The following HIPK2 variants were observed in gnomAD, a reference collection of about 807,000 sequenced individuals.
HIPK2 encodes the protein homeodomain interacting protein kinase 2.
HIPK2 carries 27 observed loss-of-function variants against 113.7 expected under a neutral mutation model. That is an observed-to-expected ratio of 0.24 (90% CI 0.17 to 0.33). The LOEUF (loss-of-function observed/expected upper bound fraction) is 0.33, where lower values mean the gene tolerates loss of function less well. Among genes scored for constraint, HIPK2 ranks in the 10% least tolerant of loss-of-function variants. HIPK2 has a pLI of 1.00. For missense variants in HIPK2, 1,257 were observed against 1,588.0 expected (o/e 0.79, Z 3.54); for synonymous variants, 631 against 642.2 (o/e 0.98, Z 0.26).
intron 2 of HIPK2, among the ~76,000 whole-genome samples, chr7:139,705,728 A>G: frequency 6.6e-6 from 1 of 152,098 alleles, no homozygotes; most frequent in South Asian, 2.1e-4. Flanking sequence ...GCCTGGAGTC[A>G]CACAGCTGTA....
At chr7:139,748,508 G>C (rs1796228092) in intron 1 of HIPK2, among the ~76,000 whole-genome samples, 1 of 151,948 alleles carries the variant, frequency 6.6e-6, no homozygotes. Context: ...CTCTCTCCTA[G>C]TTTCCGGTGG....
chr7:139,761,903 C>G (rs1796470485), intron 1 of HIPK2, among the ~76,000 whole-genome samples: 1 of 151,788 alleles, frequency 6.6e-6, no homozygotes, highest in Non-Finnish European at 1.5e-5. Flanking sequence ...ACAAAAAGAC[C>G]TAAGAGATGT....
chr7:139,719,734 T>C (rs1208857900), intron 1 of HIPK2, among the ~76,000 whole-genome samples: 4 of 152,216 alleles, frequency 2.6e-5, no homozygotes. Context: ...GACAAGAAGG[T>C]GCTAAGCCTT....
At position 139,683,556 on chromosome 7, in the gene HIPK2, T is replaced by C. The variant is rs192503380; in HGVS notation, c.1103+32376A>G. ...AGCTGCAGAACCTCTCAGAATCTAATCTTGGAAGTGAAACACCGTCATTTC... is the reference window on the plus strand; with the variant it reads ...AGCTGCAGAACCTCTCAGAATCTAACCTTGGAAGTGAAACACCGTCATTTC... On this transcript the variant is annotated intron_variant, in intron 2 of 14. Coordinates refer to ENST00000406875, the MANE Select transcript of HIPK2 (RefSeq NM_022740.5). The surrounding 1 kb of genome is among the most constrained non-coding windows in gnomAD (Gnocchi z 4.2). Among the ~76,000 whole-genome samples the C allele has an allele frequency of 2.6e-5, 4 of 152,270 alleles. No individual in the cohort carries two copies. The highest frequency in any genetic ancestry group is 2.0e-4 in the Admixed American group (3 of 15,296).
chr7:139,597,819 A>G (rs1162439755), intron 11 of HIPK2, among the ~76,000 whole-genome samples: 1 of 152,172 alleles, frequency 6.6e-6, no homozygotes, highest in Non-Finnish European at 1.5e-5. Flanking sequence ...CTTTAGGGGA[A>G]AAATACTTTC....
chr7:139,720,791 G>A (rs1164869358), intron 1 of HIPK2, among the ~76,000 whole-genome samples: 2 of 152,168 alleles, frequency 1.3e-5, no homozygotes, highest in African/African-American at 4.8e-5. Context: ...CCGGAAGGGG[G>A]CGGTCAGAGA....
chr7:139,615,943 T>C (rs1267114082), intron 7 of HIPK2, among the ~76,000 whole-genome samples: 1 of 144,984 alleles, frequency 6.9e-6, no homozygotes, highest in Non-Finnish European at 1.6e-5. Flanking sequence ...TATGTGGGCA[T>C]CAGTGTCTGT....
At chr7:139,723,675 AC>A (rs1427213291) in intron 1 of HIPK2, among the ~76,000 whole-genome samples, 1 of 152,190 alleles carries the variant, frequency 6.6e-6, no homozygotes, top group Non-Finnish European at 1.5e-5. Context: ...TAAATTATCT[AC>A]TGGAAGATCA....
At chr7:139,634,675 T>A (rs78053668) in intron 2 of HIPK2, among the ~76,000 whole-genome samples, 1 of 109,884 alleles carries the variant, frequency 9.1e-6, no homozygotes, top group Non-Finnish European at 1.8e-5. Context: ...CTGTTTCAGG[T>A]TTTTTTTTTT....
chr7:139,620,523 G>A lies in HIPK2; in HGVS notation c.1660C>T (p.Arg554Trp), dbSNP rs745341860. The part of the protein sequence containing the change: ...CFQNMEICKR[R>W]VNMYDTVNQS... ...TTCACCGTGTCATACATATTCACCC[G>A]ACGCTTGCAGATCTCCATGTTCTGG... is the stretch of plus-strand genomic sequence containing the variant. Residue 554 changes from arginine to tryptophan, a missense_variant, in exon 7 of 15, where the codon CGG (arginine) becomes TGG (tryptophan). By Grantham distance (101) the Arg-to-Trp change is moderately radical (BLOSUM62 -3). Coordinates refer to ENST00000406875, the MANE Select transcript of HIPK2 (RefSeq NM_022740.5). 17 of 1,613,966 alleles carry A rather than the reference G, an allele frequency of 1.1e-5. No individual in the cohort carries two copies. Among genetic ancestry groups the A allele is most frequent in the East Asian group, 2.2e-5 (1 of 44,890 alleles).
At chr7:139,599,527 A>G (rs944485279) in intron 11 of HIPK2, among the ~76,000 whole-genome samples, 3 of 152,188 alleles carry the variant, frequency 2.0e-5, no homozygotes, top group Non-Finnish European at 4.4e-5. Flanking sequence ...CAAAGTGTTC[A>G]TTGAGATGAG....
chr7:139,651,809 A>G (rs1318573763), intron 2 of HIPK2, among the ~76,000 whole-genome samples: 1 of 152,234 alleles, frequency 6.6e-6, no homozygotes. Flanking sequence ...TCCACTTTAC[A>G]TTACACAGTG....
intron 2 of HIPK2, among the ~76,000 whole-genome samples, chr7:139,698,957 C>A (rs1354309537): frequency 1.3e-5 from 2 of 152,012 alleles, no homozygotes; most frequent in Non-Finnish European, 1.5e-5. Context: ...AGCAGAGTGC[C>A]CAAAGAAAGA....
At chr7:139,676,578 G>A (rs1329491726) in intron 2 of HIPK2, among the ~76,000 whole-genome samples, 1 of 152,176 alleles carries the variant, frequency 6.6e-6, no homozygotes, top group Non-Finnish European at 1.5e-5. Flanking sequence ...CTAAGATCTA[G>A]TAGGGAAGAA....
At chr7:139,748,735 A>G (rs1343891029) in intron 1 of HIPK2, among the ~76,000 whole-genome samples, 2 of 152,102 alleles carry the variant, frequency 1.3e-5, no homozygotes, top group Non-Finnish European at 2.9e-5. Flanking sequence ...ATAAGGTCAC[A>G]TGCTGAAGTA....
chr7:139,752,391 A>C (rs61054086), intron 1 of HIPK2, among the ~76,000 whole-genome samples: 17,217 of 152,168 alleles, frequency 0.11, 1,173 homozygotes, highest in Non-Finnish European at 0.16. Context: ...CCACTCTAAT[A>C]AGATGCCCTC....
In HIPK2 at chr7:139,641,003, T is replaced by A. The variant is rs968161644; in HGVS notation, c.1104-9278A>T. 2.0e-5 allele frequency among the ~76,000 whole-genome samples: 3 copies of A among 152,200 alleles called. No homozygotes were observed. The South Asian group carries it at 6.2e-4, about 31-fold the overall frequency. ...ATATACACTAAACAACTGTTTCATT[T>A]ATTTACACAAAAAGCTGAAAAGATT... On this transcript the variant is annotated intron_variant, in intron 2 of 14. Transcript: ENST00000406875.
At chr7:139,766,086 T>C (rs908640773) in intron 1 of HIPK2, among the ~76,000 whole-genome samples, 1 of 152,232 alleles carries the variant, frequency 6.6e-6, no homozygotes, top group Non-Finnish European at 1.5e-5. Flanking sequence ...GAGTCTCTAC[T>C]GTGCAGCTGG....
At chr7:139,643,964 T>C (rs1193391422) in intron 2 of HIPK2, among the ~76,000 whole-genome samples, 2 of 152,190 alleles carry the variant, frequency 1.3e-5, no homozygotes, top group Admixed American at 6.5e-5. Flanking sequence ...GGAGAAAGCC[T>C]GTTCTGACCT....
Sources: allele counts gnomAD v4.1 joint callset (sites outside exome capture counted in the v4.1 genomes callset), GRCh38; gene constraint gnomAD v4.1.1; non-coding constraint Gnocchi (gnomAD v3.1); transcripts MANE v1.5; gene names NCBI Gene and HGNC (gene_info 2026-07-23, HGNC 2026-07-21).